SERPINB11: variants seen among roughly 807,000 people sequenced by gnomAD.
SERPINB11 encodes serpin family B member 11.
SERPINB11 carries 32 observed loss-of-function variants against 36.7 expected under a neutral mutation model. That is an observed-to-expected ratio of 0.87 (90% CI 0.66 to 1.17). The LOEUF (loss-of-function observed/expected upper bound fraction) is 1.17, where lower values mean the gene tolerates loss of function less well. Ranked by LOEUF, SERPINB11 falls within the 50% of genes most tolerant of loss-of-function variation. The pLI is 0.00. For synonymous variants in SERPINB11, 174 were observed against 168.1 expected, an observed-to-expected ratio of 1.04 and a Z score of -0.27; for missense variants, 528 against 458.4, an observed-to-expected ratio of 1.15 and a Z score of -1.39.
At chr18:63,717,910 C>T (rs1435945170) in intron 5 of SERPINB11, among the ~76,000 whole-genome samples, 8 of 151,976 alleles carry the variant, frequency 5.3e-5, no homozygotes, top group Non-Finnish European at 1.0e-4. Flanking sequence ...GAAATCTTGT[C>T]GTGAAAGTAT....
chr18:63,717,746 C>T (rs1522723), intron 5 of SERPINB11, among the ~76,000 whole-genome samples: 56,337 of 151,454 alleles, frequency 0.37, 11,332 homozygotes, highest in East Asian at 0.61. Flanking sequence ...TGGATACCTA[C>T]GTTGCAAGTA....
At chr18:63,722,282 C>T (rs1440139537) in intron 7 of SERPINB11, among the ~76,000 whole-genome samples, 8 of 152,132 alleles carry the variant, frequency 5.3e-5, no homozygotes, top group African/African-American at 1.9e-4. Context: ...TTTAAATTCT[C>T]AGATTAAAAA....
Position 63,710,253 on chromosome 18 carries a change from C to A in SERPINB11, c.60C>A (p.Asn20Lys). The change falls in exon 2 of 8, where the codon AAC (asparagine) becomes AAA (lysine). Residue 20 changes from asparagine to lysine, a missense_variant. By Grantham distance (94) the Asn-to-Lys change is moderately conservative. Coordinates refer to ENST00000544088, the MANE Select transcript of SERPINB11 (RefSeq NM_001370475.1). ...EFCLDVFKEL[N>K]SNNIGDNIFF... ...GCCTTGATGTGTTCAAAGAGCTGAA[C>A]AGTAACAACATAGGAGATAACATCT... 6.2e-7 allele frequency: 1 copy of A among 1,613,616 alleles called. No homozygotes were observed. The highest frequency in any genetic ancestry group is 1.1e-5 in the South Asian group (1 of 91,026).
chr18:63,720,852 A>G lies in SERPINB11; in HGVS notation c.640A>G (p.Met214Val), dbSNP rs906649599. Residue 214 changes from methionine (M) to valine (V), a missense_variant, in exon 7 of 8, where the codon ATG becomes GTG. Physicochemically the swap from Met to Val is conservative, Grantham distance 21. Coordinates refer to ENST00000544088, the MANE Select transcript of SERPINB11 (RefSeq NM_001370475.1). ...LSEGKNVTVE[M>V]MYQIGTFKLA... ...ACAGGGTAAAAATGTAACTGTGGAA[A>G]TGATGTATCAAATTGGAACATTTAA... 2.4e-5 allele frequency: 38 copies of G among 1,558,592 alleles called. No individual in the cohort carries two copies. The highest frequency in any genetic ancestry group is 3.0e-5 in the Non-Finnish European group (35 of 1,150,778).
At chr18:63,709,136 C>G (rs1914448052) in intron 1 of SERPINB11, among the ~76,000 whole-genome samples, 1 of 152,194 alleles carries the variant, frequency 6.6e-6, no homozygotes, top group Admixed American at 6.5e-5. Flanking sequence ...TAAGATAACA[C>G]ATATTCCAGC....
chr18:63,714,104 A>C (rs1914601253), intron 4 of SERPINB11, among the ~76,000 whole-genome samples: 1 of 152,132 alleles, frequency 6.6e-6, no homozygotes, highest in Admixed American at 6.5e-5. Context: ...GGCTGGTCTG[A>C]GAAATAAAGG....
chr18:63,709,652 T>A (rs1013104138), intron 1 of SERPINB11, among the ~76,000 whole-genome samples: 3 of 86,454 alleles, frequency 3.5e-5, no homozygotes, highest in African/African-American at 1.5e-4. Context: ...AAATAAAAAG[T>A]AAAATAAAAA....
intron 5 of SERPINB11, among the ~76,000 whole-genome samples, chr18:63,718,293 C>T (rs78755324): frequency 6.6e-6 from 1 of 151,870 alleles, no homozygotes; most frequent in African/African-American, 2.4e-5. Flanking sequence ...TTTCCATATA[C>T]GTTTTAAAAT....
intron 7 of SERPINB11, among the ~76,000 whole-genome samples, chr18:63,722,561 T>C (rs956401170): frequency 1.3e-5 from 2 of 152,102 alleles, no homozygotes; most frequent in Non-Finnish European, 2.9e-5. Flanking sequence ...ATGAAAGCTA[T>C]CAGAGTGCAT....
chr18:63,711,311 A>G (rs1914515835), intron 2 of SERPINB11, 24 bp from the exon 3 acceptor site: 1 of 1,571,572 alleles, frequency 6.4e-7, no homozygotes, highest in East Asian at 2.2e-5. Context: ...TGATGCCAAA[A>G]GATCCCTTTT....
At chr18:63,711,620 A>G (rs987328723) in intron 3 of SERPINB11, among the ~76,000 whole-genome samples, 18 of 152,250 alleles carry the variant, frequency 1.2e-4, no homozygotes, top group Admixed American at 4.6e-4. Flanking sequence ...CTTTATTGCC[A>G]TCTTTACTCA....
At chr18:63,703,220 A>C (rs1318756819) in intron 1 of SERPINB11, among the ~76,000 whole-genome samples, 1 of 152,196 alleles carries the variant, frequency 6.6e-6, no homozygotes, top group African/African-American at 2.4e-5. Context: ...AAAATCTTTG[A>C]GGCAGGCTGA....
chr18:63,708,312 A>T (rs999608843), intron 1 of SERPINB11, among the ~76,000 whole-genome samples: 1 of 152,220 alleles, frequency 6.6e-6, no homozygotes, highest in African/African-American at 2.4e-5. Context: ...ATACTAGTCT[A>T]TCAAAGATAT....
intron 5 of SERPINB11, among the ~76,000 whole-genome samples, chr18:63,716,927 G>T (rs1914684120): frequency 6.6e-6 from 1 of 151,804 alleles, no homozygotes; most frequent in Admixed American, 6.6e-5. Context: ...GTAAATTATT[G>T]TATGTGTGCT....
chr18:63,707,826 A>T (rs1914411532), intron 1 of SERPINB11, among the ~76,000 whole-genome samples: 1 of 152,216 alleles, frequency 6.6e-6, no homozygotes, highest in Admixed American at 6.5e-5. Context: ...CAAAACAAAG[A>T]CCTTGGTGTA....
Position 63,723,501 on chromosome 18 carries a change from T to C in SERPINB11, c.*102T>C. 1 of 1,079,992 alleles carries C rather than the reference T, an allele frequency of 9.3e-7. No individual in the cohort carries two copies. The highest frequency in any genetic ancestry group is 1.3e-6 in the Non-Finnish European group (1 of 749,940). The allele number at this position is 1,079,992 out of a possible 1,614,324, so 66.9% of individuals were successfully genotyped here. A position where few individuals can be genotyped will look rare whatever the true frequency, so the allele number is the denominator to read the frequency against. ...GCTGTTCACACCTCACACACCTCTG[T>C]GCCTCAGTTTGCTCATCTGCAAAAT... On this transcript the variant is annotated 3_prime_UTR_variant, in exon 8 of 8. Transcript: ENST00000544088.
intron 1 of SERPINB11, among the ~76,000 whole-genome samples, chr18:63,709,694 G>A (rs73477447): frequency 0.011 from 1,716 of 151,168 alleles, 37 homozygotes; most frequent in African/African-American, 0.039. Flanking sequence ...TGCGAGTGCT[G>A]TCAACTTGTT....
rs370359398 is a variant in SERPINB11 at position 63,707,430 on chromosome 18, A to C, written c.-15-2749A>C. On this transcript the variant is annotated intron_variant, in intron 1 of 7. Coordinates refer to ENST00000544088, the MANE Select transcript of SERPINB11 (RefSeq NM_001370475.1). ...GGGCATGCAAGGCTTCTAAGGCCAC[A>C]GTCCTGCCCATCTTCAATCCCACTG... Among the ~76,000 whole-genome samples the C allele has an allele frequency of 1.9e-4, 29 of 152,352 alleles. 1 individual carries two copies. In the East Asian group the frequency reaches 5.2e-3, roughly 27 times the overall value.
chr18:63,712,523 C>A, intron 3 of SERPINB11, 42 bp from the exon 4 acceptor site: 3 of 1,607,968 alleles, frequency 1.9e-6, no homozygotes, highest in Non-Finnish European at 2.6e-6. Context: ...TGGCAAAAAT[C>A]AAGCAATTTA....
Sources: gnomAD v4.1 joint callset for allele counts (sites outside exome capture counted in the v4.1 genomes callset) on GRCh38, gnomAD v4.1.1 for gene constraint, MANE v1.5 for transcripts, NCBI Gene and HGNC (gene_info 2026-07-23, HGNC 2026-07-21) for gene names.